MAN2A1: variants seen among roughly 807,000 people sequenced by gnomAD.
MAN2A1 encodes the protein mannosidase alpha class 2A member 1.
A neutral mutation model predicts 142.6 loss-of-function variants in MAN2A1; 76 were observed. The ratio of observed to expected loss-of-function variants is 0.53; its 90% confidence interval spans 0.44 to 0.65. MAN2A1 has a LOEUF of 0.65. Ranked by LOEUF, MAN2A1 falls within the 30% of genes least tolerant of loss-of-function variation. MAN2A1 has a pLI of 0.00. For missense variants in MAN2A1, 1,311 were observed against 1,365.1 expected (o/e 0.96, Z 0.62); for synonymous variants, 559 against 473.2 (o/e 1.18, Z -2.35).
chr5:109,809,297 T>G (rs564312496), intron 12 of MAN2A1, among the ~76,000 whole-genome samples: 2 of 152,268 alleles, frequency 1.3e-5, no homozygotes, highest in East Asian at 3.9e-4. Flanking sequence ...TTATTACTTT[T>G]GTGTTTTTTT....
chr5:109,860,700 T>C (rs1354192013), intron 20 of MAN2A1, among the ~76,000 whole-genome samples: 1 of 152,206 alleles, frequency 6.6e-6, no homozygotes, highest in Non-Finnish European at 1.5e-5. Flanking sequence ...ATTCACCTGC[T>C]TTTTTCCTTA....
intron 2 of MAN2A1, among the ~76,000 whole-genome samples, chr5:109,715,349 A>G (rs951148446): frequency 7.2e-6 from 1 of 139,232 alleles, no homozygotes; most frequent in African/African-American, 2.5e-5. Context: ...TTTTAACATA[A>G]TTTAAATTTT....
intron 12 of MAN2A1, among the ~76,000 whole-genome samples, chr5:109,795,164 G>C (rs1753827989): frequency 6.6e-6 from 1 of 152,020 alleles, no homozygotes; most frequent in Non-Finnish European, 1.5e-5. Flanking sequence ...AATCTTATTT[G>C]GTGTTTGCCA....
intron 4 of MAN2A1, among the ~76,000 whole-genome samples, chr5:109,750,513 G>A (rs1752517364): frequency 6.6e-6 from 1 of 152,020 alleles, no homozygotes; most frequent in African/African-American, 2.4e-5. Context: ...TTAAAATAAT[G>A]TTGTCTCTTT....
At chr5:109,848,862 A>G (rs1382247375) in intron 19 of MAN2A1, among the ~76,000 whole-genome samples, 5 of 152,058 alleles carry the variant, frequency 3.3e-5, no homozygotes, top group South Asian at 2.1e-4. Flanking sequence ...CTCCTACCCA[A>G]TTGAGTCAGA....
intron 4 of MAN2A1, among the ~76,000 whole-genome samples, chr5:109,733,575 T>C (rs566549044): frequency 0.064 from 9,775 of 152,088 alleles, 392 homozygotes; most frequent in Non-Finnish European, 0.097. Flanking sequence ...GCATGAAGTG[T>C]TGTTGAATTT....
At chr5:109,824,251 A>G (rs1754703625) in intron 16 of MAN2A1, among the ~76,000 whole-genome samples, 1 of 152,230 alleles carries the variant, frequency 6.6e-6, no homozygotes, top group South Asian at 2.1e-4. Context: ...TTTAAGAGAA[A>G]AATGTTCTAA....
rs151185042 is a variant in MAN2A1 at position 109,842,335 on chromosome 5, A to G, written c.2574A>G (p.Glu858=). 6.5e-7 allele frequency: 1 copy of G among 1,548,928 alleles called. No homozygotes were observed. The highest frequency in any genetic ancestry group is 8.8e-7 in the Non-Finnish European group (1 of 1,141,218). ...RVRLYHIQGI[E]GQSVEVSNIV... Reference sequence around the variant, plus strand: ...ATATTTTTTTAAATTTAGGAATAGAAGGACAGTCTGTGGAAGTTTCCAATA... The same window carrying G: ...ATATTTTTTTAAATTTAGGAATAGAGGGACAGTCTGTGGAAGTTTCCAATA... Residue 858 remains glutamate (E), a synonymous_variant, in exon 17 of 22, where the codon GAA becomes GAG. Transcript: ENST00000261483.
At chr5:109,814,940 A>G (rs1453257928) in intron 12 of MAN2A1, among the ~76,000 whole-genome samples, 1 of 152,148 alleles carries the variant, frequency 6.6e-6, no homozygotes, top group African/African-American at 2.4e-5. Context: ...GTGCCTAGGT[A>G]TGCCTCAGGG....
intron 4 of MAN2A1, among the ~76,000 whole-genome samples, chr5:109,730,905 C>A (rs888108172): frequency 6.6e-6 from 1 of 152,242 alleles, no homozygotes; most frequent in East Asian, 1.9e-4. Context: ...TTAGTCCATC[C>A]TTTTCTAGTG....
At chr5:109,763,431 T>C (rs1268052863) in intron 5 of MAN2A1, among the ~76,000 whole-genome samples, 1 of 152,136 alleles carries the variant, frequency 6.6e-6, no homozygotes, top group African/African-American at 2.4e-5. Context: ...GACATTTCTT[T>C]GTATTGTAGC....
At chr5:109,698,833 G>A (rs1750890071) in intron 1 of MAN2A1, among the ~76,000 whole-genome samples, 6 of 151,988 alleles carry the variant, frequency 3.9e-5, no homozygotes, top group Admixed American at 3.9e-4. Flanking sequence ...ACATAGAAAG[G>A]TACACATTGA....
intron 4 of MAN2A1, among the ~76,000 whole-genome samples, chr5:109,734,199 G>A (rs1043591134): frequency 3.3e-5 from 5 of 150,924 alleles, no homozygotes; most frequent in African/African-American, 7.3e-5. Context: ...CTGTGGGATC[G>A]GTGGTGATAT....
chr5:109,741,223 A>G (rs1345997200), intron 4 of MAN2A1, among the ~76,000 whole-genome samples: 2 of 152,140 alleles, frequency 1.3e-5, no homozygotes, highest in Non-Finnish European at 2.9e-5. Flanking sequence ...ATTAGTGCAG[A>G]TGAATTCTGT....
At chr5:109,785,893 C>T (rs147121776) in intron 10 of MAN2A1, among the ~76,000 whole-genome samples, 1 of 152,002 alleles carries the variant, frequency 6.6e-6, no homozygotes, top group Non-Finnish European at 1.5e-5. Flanking sequence ...ATCCTTAGTA[C>T]TACTCCTTGA....
At chr5:109,735,829 C>T (rs570930837) in intron 4 of MAN2A1, among the ~76,000 whole-genome samples, 1 of 145,078 alleles carries the variant, frequency 6.9e-6, no homozygotes, top group African/African-American at 2.5e-5. Flanking sequence ...TTGATGTAAA[C>T]ATTTAAAGAT....
At chr5:109,729,547 A>T in intron 4 of MAN2A1, 34 bp downstream of exon 4, 1 of 1,213,770 alleles carries the variant, frequency 8.2e-7, no homozygotes, top group Non-Finnish European at 1.1e-6. Flanking sequence ...ATTTGGTAAT[A>T]TTAAAGCTTA....
intron 19 of MAN2A1, among the ~76,000 whole-genome samples, 167 bp downstream of exon 19, chr5:109,847,957 T>C (rs563478851): frequency 2.0e-5 from 3 of 152,322 alleles, no homozygotes; most frequent in African/African-American, 7.2e-5. Context: ...GTTATAAATA[T>C]CGTGTAAGAT....
intron 1 of MAN2A1, among the ~76,000 whole-genome samples, chr5:109,710,757 C>A (rs1751277806): frequency 6.6e-6 from 1 of 151,996 alleles, no homozygotes; most frequent in African/African-American, 2.4e-5. Context: ...ATGGTGCGAT[C>A]TTGGCTCACC....
Sources: gnomAD v4.1 joint callset for allele counts (sites outside exome capture counted in the v4.1 genomes callset) on GRCh38, gnomAD v4.1.1 for gene constraint, MANE v1.5 for transcripts, NCBI Gene and HGNC (gene_info 2026-07-23, HGNC 2026-07-21) for gene names.